KATNB1: variants seen among roughly 807,000 people sequenced by gnomAD.
The protein encoded by KATNB1 is katanin regulatory subunit B1, also known as katanin p80 WD40 repeat-containing subunit B1.
Under a neutral mutation model 82.3 loss-of-function variants are expected in KATNB1, and 38 were observed. The observed-to-expected ratio is 0.46, with a 90% CI of 0.36 to 0.61. The LOEUF (loss-of-function observed/expected upper bound fraction) is 0.61. Ranked by LOEUF, KATNB1 falls within the 20% of genes least tolerant of loss-of-function variation. KATNB1 has a pLI of 0.00. For missense variants in KATNB1, 749 were observed against 915.7 expected (o/e 0.82, Z 2.35); for synonymous variants, 361 against 368.7 (o/e 0.98, Z 0.24).
At chr16:57,739,589 G>C (rs1377833811) in intron 2 of KATNB1, among the ~76,000 whole-genome samples, 1 of 152,202 alleles carries the variant, frequency 6.6e-6, no homozygotes, top group Non-Finnish European at 1.5e-5. Flanking sequence ...TGAAGGAGGA[G>C]CTCTTGGGGT....
chr16:57,753,629 A>C, intron 12 of KATNB1, 110 bp downstream of exon 12: 2 of 1,389,968 alleles, frequency 1.4e-6, no homozygotes, highest in Non-Finnish European at 2.0e-6. Context: ...CTTCCTCCTA[A>C]CCCACACCTG....
rs782480284 is a variant in KATNB1, at chr16:57,741,651, C to T, written c.41-36C>T. 45 of 1,591,256 alleles carry T rather than the reference C, an allele frequency of 2.8e-5. No individual in the cohort carries two copies. In the East Asian group the frequency reaches 4.5e-4, roughly 16 times the overall value. ...CCTCCTTCACAAGGCCCCATCGGGC[C>T]GCCCTGATGGCCTCTCCCTCTCCTT... On this transcript the variant is annotated intron_variant, in intron 2 of 19. Coordinates refer to ENST00000379661, the MANE Select transcript of KATNB1 (RefSeq NM_005886.3).
In KATNB1 at chr16:57,753,970, G is replaced by T; in HGVS notation, c.1203G>T (p.Glu401Asp). Reference protein sequence around the residue: ...SISRTPPRRSEPFPAPPEDDA... With the variant: ...SISRTPPRRSDPFPAPPEDDA... ...GTCGGACGCCACCCCGGAGAAGTGA[G>T]CCCTTCCCTGCACCCCCAGAGGACG... Residue 401 changes from glutamate to aspartate, a missense_variant, in exon 13 of 20, where the codon GAG becomes GAT. Glu to Asp is a conservative substitution (Grantham distance 45). This residue lies in a region of KATNB1 where 407 missense variants were observed against 434.7 expected (regional missense o/e 0.94). Transcript: ENST00000379661. The T allele has an allele frequency of 6.2e-7, 1 of 1,613,650 alleles. No individual in the cohort carries two copies. Among genetic ancestry groups the T allele is most frequent in the Non-Finnish European group, 8.5e-7 (1 of 1,179,918 alleles).
chr16:57,754,353 A>G (rs563000152), intron 13 of KATNB1, among the ~76,000 whole-genome samples: 1 of 152,236 alleles, frequency 6.6e-6, no homozygotes, highest in African/African-American at 2.4e-5. Flanking sequence ...AGGAGGCCCA[A>G]TGCCTGTCAA....
At chr16:57,738,360 A>T (rs921889424) in intron 2 of KATNB1, among the ~76,000 whole-genome samples, 1 of 151,444 alleles carries the variant, frequency 6.6e-6, no homozygotes, top group African/African-American at 2.4e-5. Context: ...GGTTCATGCG[A>T]TTCTCGTGCC....
chr16:57,752,031 T>C lies in KATNB1; in HGVS notation c.608T>C (p.Leu203Pro). The change falls in exon 8 of 20, where the codon CTC (leucine) becomes CCC (proline). Residue 203 changes from leucine (L) to proline (P), a missense_variant. Around this residue, in one of 3 missense-constraint regions of KATNB1, gnomAD observed 247 missense variants for 349.4 expected, o/e 0.71. Coordinates refer to ENST00000379661, the MANE Select transcript of KATNB1 (RefSeq NM_005886.3). ...NVVEFHPNEY[L>P]LASGSSDRTI... ...GTCGAGTTTCACCCCAACGAGTACC[T>C]CCTGGCCTCCGGCAGCTCTGACAGG... 1 of 1,612,402 alleles carries C rather than the reference T, an allele frequency of 6.2e-7. No individual in the cohort carries two copies. Among genetic ancestry groups the C allele is most frequent in the Non-Finnish European group, 8.5e-7 (1 of 1,179,698 alleles).
intron 3 of KATNB1, 106 bp downstream of exon 3, chr16:57,741,923 C>T: frequency 7.5e-7 from 1 of 1,331,056 alleles, no homozygotes; most frequent in Non-Finnish European, 1.0e-6. Flanking sequence ...CTCTTGAGCC[C>T]AGGGCCCCCT....
chr16:57,738,589 A>G (rs1020083990), intron 2 of KATNB1, among the ~76,000 whole-genome samples: 3 of 151,722 alleles, frequency 2.0e-5, no homozygotes, highest in Non-Finnish European at 4.4e-5. Flanking sequence ...GAATTTAACC[A>G]TAAGACTCTG....
chr16:57,746,177 A>G (rs1456190133), intron 4 of KATNB1, among the ~76,000 whole-genome samples: 3 of 152,094 alleles, frequency 2.0e-5, no homozygotes, highest in Non-Finnish European at 4.4e-5. Context: ...TGTTTGTTTT[A>G]TGAGTTTGAG....
chr16:57,736,804 C>A, intron 1 of KATNB1, 174 bp from the exon 2 acceptor site: 1 of 357,648 alleles, frequency 2.8e-6, no homozygotes. Context: ...CGTTCCAAAT[C>A]ACCCTACCTG....
At chr16:57,753,586 A>G (rs2049249703) in intron 12 of KATNB1, 67 bp downstream of exon 12, 1 of 1,583,586 alleles carries the variant, frequency 6.3e-7, no homozygotes, top group African/African-American at 1.4e-5. Flanking sequence ...GGGTCCTTCC[A>G]GGGTAGCCTG....
intron 2 of KATNB1, among the ~76,000 whole-genome samples, chr16:57,738,066 A>AC (rs1202781740): frequency 2.0e-5 from 3 of 151,960 alleles, no homozygotes; most frequent in Admixed American, 6.6e-5. Flanking sequence ...GTCTTCTCAG[A>AC]CCCCCCGAAA....
Position 57,744,473 on chromosome 16 carries a change from C to G in KATNB1, c.251C>G (p.Ser84Trp), listed in dbSNP as rs782431692. Residue 84 changes from serine to tryptophan, a missense_variant, in exon 4 of 20, where the codon TCG becomes TGG. By Grantham distance (177) the Ser-to-Trp change is radical. Transcript: ENST00000379661. ...PEELIVAGSQSGSIRVWDLEA... is the reference protein window; with the variant it reads ...PEELIVAGSQWGSIRVWDLEA... ...GAGCTCATCGTGGCCGGCTCTCAGT[C>G]GGGCTCCATCCGTGTCTGGGACCTG... The G allele has an allele frequency of 6.2e-7, 1 of 1,614,086 alleles. No individual in the cohort carries two copies. Among genetic ancestry groups the G allele is most frequent in the Non-Finnish European group, 8.5e-7 (1 of 1,180,042 alleles).
intron 1 of KATNB1, 62 bp from the exon 2 acceptor site, chr16:57,736,916 A>G: frequency 1.7e-6 from 1 of 590,080 alleles, no homozygotes. Context: ...TTGGTGATCC[A>G]GGGAGCAACA....
intron 18 of KATNB1, 135 bp from the exon 19 acceptor site, chr16:57,756,221 G>C: frequency 8.9e-7 from 1 of 1,129,902 alleles, no homozygotes; most frequent in Non-Finnish European, 1.3e-6. Flanking sequence ...GGTGGGAGTG[G>C]AAACAGGCGT....
rs1567905235 is a variant in KATNB1 at position 57,756,912 on chromosome 16, G to A, written c.1934G>A (p.Arg645His). Residue 645 changes from arginine (R) to histidine (H), a missense_variant, in exon 20 of 20, where the codon CGC (arginine) becomes CAC (histidine). Around this residue, in one of 3 missense-constraint regions of KATNB1, gnomAD observed 95 missense variants for 131.6 expected, o/e 0.72. Coordinates refer to ENST00000379661, the MANE Select transcript of KATNB1 (RefSeq NM_005886.3). ...GLSGRHGSTF[R>H]ELHLLMASLD ...AGCGGCCGCCATGGCAGTACCTTCCGCGAGCTGCACCTGCTCATGGCCAGT... is the reference window on the plus strand; with the variant it reads ...AGCGGCCGCCATGGCAGTACCTTCCACGAGCTGCACCTGCTCATGGCCAGT... 7.7e-6 allele frequency: 12 copies of A among 1,550,374 alleles called. No homozygotes were observed. In the East Asian group the frequency reaches 1.5e-4, roughly 19 times the overall value.
intron 4 of KATNB1, among the ~76,000 whole-genome samples, chr16:57,750,093 T>C (rs1555582588): frequency 6.6e-6 from 1 of 152,202 alleles, no homozygotes; most frequent in East Asian, 1.9e-4. Context: ...CCTGGATTTC[T>C]CTTTCCAACC....
At chr16:57,745,794 C>CTT (rs57950639) in intron 4 of KATNB1, among the ~76,000 whole-genome samples, 10 of 147,700 alleles carry the variant, frequency 6.8e-5, no homozygotes, top group Admixed American at 1.3e-4. Context: ...ATAATAGTTC[C>CTT]TTTTTTTTTT....
At position 57,751,026 on chromosome 16, in the gene KATNB1, C is replaced by G; in HGVS notation, c.390+99C>G. The G allele has an allele frequency of 9.8e-7, 1 of 1,020,646 alleles. No homozygotes were observed. The highest frequency in any genetic ancestry group is 1.3e-5 in the South Asian group (1 of 77,078). The allele number at this position is 1,020,646 out of a possible 1,614,324, so 63.2% of individuals were successfully genotyped here. On this transcript the variant is annotated intron_variant, in intron 5 of 19. Transcript: ENST00000379661. The surrounding 1 kb of genome is among the most constrained non-coding windows in gnomAD (Gnocchi z 6.3). ...TGGATGCCTGCTGAGGGGACCTCTT[C>G]CCTTTCTGCAGCCACATCCACACCA... is the stretch of plus-strand genomic sequence containing the variant.
Sources: allele counts gnomAD v4.1 joint callset (sites outside exome capture counted in the v4.1 genomes callset), GRCh38; gene constraint gnomAD v4.1.1; regional missense constraint gnomAD v4.1.1; non-coding constraint Gnocchi (gnomAD v3.1); transcripts MANE v1.5; gene names NCBI Gene and HGNC (gene_info 2026-07-23, HGNC 2026-07-21).